Variants in KIAA0040 observed in about 807,000 individuals in gnomAD.
KIAA0040 encodes KIAA0040, also known as uncharacterized protein KIAA0040.
In KIAA0040, 10 loss-of-function variants were observed where a neutral mutation model predicts 7.2. The ratio of observed to expected loss-of-function variants is 1.38; its 90% confidence interval spans 0.85 to 2.34. KIAA0040 has a LOEUF of 2.34. KIAA0040 is among the 30% of genes most tolerant of loss of function. The probability of loss-of-function intolerance (pLI) is 0.00; values close to 1 mark genes in which losing one functional copy is unlikely to be tolerated. For synonymous variants in KIAA0040, 49 were observed against 40.1 expected (o/e 1.22, Z -0.84); for missense variants, 89 against 108.2 (o/e 0.82, Z 0.79).
At chr1:175,168,071 A>C (rs1461413871) in intron 2 of KIAA0040, among the ~76,000 whole-genome samples, 1 of 152,066 alleles carries the variant, frequency 6.6e-6, no homozygotes, top group African/African-American at 2.4e-5. Flanking sequence ...ATAATATCAC[A>C]CACTTCAGAA....
chr1:175,165,760 T>C (rs1676736338), intron 3 of KIAA0040, among the ~76,000 whole-genome samples: 1 of 152,162 alleles, frequency 6.6e-6, no homozygotes, highest in Non-Finnish European at 1.5e-5. Context: ...GGTGGGTCAT[T>C]CCACAGGGAG....
chr1:175,188,702 A>G (rs3766682), intron 1 of KIAA0040, among the ~76,000 whole-genome samples: 20,937 of 152,080 alleles, frequency 0.14, 1,547 homozygotes, highest in East Asian at 0.21. Context: ...GTCTTTGGGA[A>G]CTCCTGAGAA....
At chr1:175,183,358 C>T (rs1299181608) in intron 1 of KIAA0040, among the ~76,000 whole-genome samples, 2 of 152,180 alleles carry the variant, frequency 1.3e-5, no homozygotes, top group Non-Finnish European at 2.9e-5. Context: ...TGAGAAAGAA[C>T]CAGAGTGAAG....
In KIAA0040 at chr1:175,166,755, T is replaced by TA; in HGVS notation, c.-309-19dup. The TA allele has an allele frequency of 6.6e-6, 1 of 151,894 alleles. No homozygotes were observed. The highest frequency in any genetic ancestry group is 1.5e-5 in the Non-Finnish European group (1 of 67,976). 9.4% of individuals were successfully genotyped at this position (151,894 alleles called of 1,614,324 possible). A position where few individuals can be genotyped will look rare whatever the true frequency, so the allele number is the denominator to read the frequency against. On this transcript the variant is annotated intron_variant, in intron 2 of 3. Coordinates refer to ENST00000423313, the MANE Select transcript of KIAA0040 (RefSeq NM_014656.3). ...CGCCCAGTCTAGCAAGGGGGAGAAATAAAAATAGAAGTATAGTGTGATGAG... is the reference window on the plus strand; with the variant it reads ...CGCCCAGTCTAGCAAGGGGGAGAAATAAAAAATAGAAGTATAGTGTGATGAG...
intron 2 of KIAA0040, among the ~76,000 whole-genome samples, chr1:175,176,749 T>C (rs1677215826): frequency 7.3e-6 from 1 of 137,890 alleles, no homozygotes; most frequent in Non-Finnish European, 1.6e-5. Context: ...CTTAGCCTCA[T>C]CATGTGCAGT....
intron 2 of KIAA0040, among the ~76,000 whole-genome samples, chr1:175,172,604 C>T (rs1255852919): frequency 6.6e-6 from 1 of 152,158 alleles, no homozygotes; most frequent in South Asian, 2.1e-4. Context: ...AACCTGTCTC[C>T]ACCACTAACA....
chr1:175,165,519 T>C (rs982617012), intron 3 of KIAA0040, among the ~76,000 whole-genome samples: 15 of 152,184 alleles, frequency 9.9e-5, no homozygotes, highest in Admixed American at 8.5e-4. Flanking sequence ...CCCACCGCAT[T>C]GAAATGAAAA....
chr1:175,161,597 C>T (rs1424600744), intron 3 of KIAA0040, among the ~76,000 whole-genome samples: 1 of 152,176 alleles, frequency 6.6e-6, no homozygotes, highest in Admixed American at 6.5e-5. Context: ...TTGCCATTTT[C>T]AAAGCTTATT....
intron 3 of KIAA0040, among the ~76,000 whole-genome samples, chr1:175,164,931 C>A (rs1213422621): frequency 6.6e-6 from 1 of 152,156 alleles, no homozygotes. Flanking sequence ...ACACTCTAGC[C>A]TTTTGTTAGC....
chr1:175,165,265 C>T (rs1418131672), intron 3 of KIAA0040, among the ~76,000 whole-genome samples: 1 of 152,162 alleles, frequency 6.6e-6, no homozygotes, highest in African/African-American at 2.4e-5. Context: ...ACCTGCATGA[C>T]CTTGGCAAGT....
chr1:175,163,050 G>T (rs1676611528), intron 3 of KIAA0040, among the ~76,000 whole-genome samples: 1 of 152,194 alleles, frequency 6.6e-6, no homozygotes, highest in Admixed American at 6.5e-5. Flanking sequence ...TGGAGGCTCA[G>T]GCCACACGGT....
intron 2 of KIAA0040, among the ~76,000 whole-genome samples, chr1:175,174,878 T>C (rs1453595873): frequency 6.6e-6 from 1 of 152,138 alleles, no homozygotes; most frequent in Non-Finnish European, 1.5e-5. Context: ...CCTGTAGCCA[T>C]GGTTACAGTG....
intron 2 of KIAA0040, among the ~76,000 whole-genome samples, chr1:175,175,589 T>C (rs1184430427): frequency 6.6e-6 from 1 of 152,070 alleles, no homozygotes; most frequent in Admixed American, 6.6e-5. Flanking sequence ...ATGTTCATTG[T>C]GGCACTATTC....
rs1316820024 is a variant in KIAA0040 at position 175,177,612 on chromosome 1, C to T, written c.-311G>A. 6.6e-6 allele frequency: 1 copy of T among 152,232 alleles called. No homozygotes were observed. Among genetic ancestry groups the T allele is most frequent in the East Asian group, 1.9e-4 (1 of 5,200 alleles). 9.4% of individuals were successfully genotyped at this position (152,232 alleles called of 1,614,324 possible). ...GAATGAGAAGAAGTTACAACTCACT[C>T]AGTGTGTGTCCTTGGGAAGGTCACT... On this transcript the variant is annotated splice_region_variant and 5_prime_UTR_variant, in exon 2 of 4. Coordinates refer to ENST00000423313, the MANE Select transcript of KIAA0040 (RefSeq NM_014656.3).
intron 2 of KIAA0040, among the ~76,000 whole-genome samples, chr1:175,173,689 G>A (rs759681159): frequency 3.3e-5 from 5 of 152,308 alleles, no homozygotes; most frequent in South Asian, 2.1e-4. Flanking sequence ...TGCCACGTGC[G>A]TCACACCCTG....
At chr1:175,174,636 T>C (rs1677109834) in intron 2 of KIAA0040, among the ~76,000 whole-genome samples, 1 of 152,160 alleles carries the variant, frequency 6.6e-6, no homozygotes, top group African/African-American at 2.4e-5. Flanking sequence ...AAGGCTGAAT[T>C]AAAGCTCAAA....
At chr1:175,165,620 G>A (rs1343535294) in intron 3 of KIAA0040, among the ~76,000 whole-genome samples, 6 of 152,320 alleles carry the variant, frequency 3.9e-5, no homozygotes, top group South Asian at 4.1e-4. Flanking sequence ...GATGGAGAGC[G>A]GTCGCTTGGG....
chr1:175,183,181 T>C (rs1677511729), intron 1 of KIAA0040, among the ~76,000 whole-genome samples: 1 of 152,236 alleles, frequency 6.6e-6, no homozygotes, highest in Non-Finnish European at 1.5e-5. Flanking sequence ...CAATGCTTGC[T>C]CACTGATAGT....
intron 2 of KIAA0040, among the ~76,000 whole-genome samples, chr1:175,172,720 C>T (rs368548207): frequency 6.6e-6 from 1 of 152,182 alleles, no homozygotes; most frequent in African/African-American, 2.4e-5. Context: ...TTATTCACTG[C>T]GTTACATCAT....
Sources: gnomAD v4.1 joint callset for allele counts (sites outside exome capture counted in the v4.1 genomes callset) on GRCh38, gnomAD v4.1.1 for gene constraint, MANE v1.5 for transcripts, NCBI Gene and HGNC (gene_info 2026-07-23, HGNC 2026-07-21) for gene names.